The following TANC1 variants were observed in gnomAD, a reference collection of about 807,000 sequenced individuals.
The protein encoded by TANC1 is tetratricopeptide repeat, ankyrin repeat and coiled-coil containing 1, also known as protein TANC1.
A neutral mutation model predicts 149.7 loss-of-function variants in TANC1; 77 were observed. The ratio of observed to expected loss-of-function variants is 0.51; its 90% CI spans 0.43 to 0.62. The LOEUF is 0.62. TANC1 is among the 20% of genes least tolerant of loss of function. TANC1 has a pLI of 0.00. For synonymous variants in TANC1, 854 were observed against 925.0 expected, an observed-to-expected ratio of 0.92 and a Z score of 1.39; for missense variants, 1,985 against 2,321.8, an observed-to-expected ratio of 0.85 and a Z score of 2.98.
intron 4 of TANC1, among the ~76,000 whole-genome samples, chr2:159,121,850 C>A (rs778072198): frequency 6.6e-6 from 1 of 152,202 alleles, no homozygotes; most frequent in African/African-American, 2.4e-5. Context: ...AAGATACTGT[C>A]GGAGGGTCTG....
intron 4 of TANC1, among the ~76,000 whole-genome samples, chr2:159,118,371 A>G (rs2048511979): frequency 6.6e-6 from 1 of 151,984 alleles, no homozygotes; most frequent in African/African-American, 2.4e-5. Flanking sequence ...ATCTATGTAA[A>G]TTGTTTGGAA....
chr2:159,090,345 C>G (rs1255865672), intron 3 of TANC1, among the ~76,000 whole-genome samples: 1 of 152,188 alleles, frequency 6.6e-6, no homozygotes, highest in Non-Finnish European at 1.5e-5. Context: ...CTCCCGACCT[C>G]TTTGTCTTGG....
intron 14 of TANC1, among the ~76,000 whole-genome samples, chr2:159,184,139 A>G (rs1465913999): frequency 1.3e-5 from 2 of 152,210 alleles, no homozygotes; most frequent in Non-Finnish European, 2.9e-5. Context: ...CTGTTTCTTC[A>G]TATAAGCATA....
At chr2:159,013,244 G>A (rs1030770128) in intron 2 of TANC1, among the ~76,000 whole-genome samples, 5 of 152,156 alleles carry the variant, frequency 3.3e-5, no homozygotes, top group Non-Finnish European at 7.3e-5. Context: ...AAGGCATATT[G>A]TATTATGTTT....
chr2:159,149,978 A>G (rs1410163925), intron 6 of TANC1: 26 of 171,796 alleles, frequency 1.5e-4, no homozygotes, highest in Admixed American at 1.5e-3. Context: ...TCACAAAAAC[A>G]GAGCTCCCAG....
chr2:158,981,029 A>G (rs2034247929), intron 1 of TANC1, among the ~76,000 whole-genome samples: 1 of 151,944 alleles, frequency 6.6e-6, no homozygotes, highest in Non-Finnish European at 1.5e-5. Context: ...TGTATTTCCT[A>G]TAAACTGGAG....
At chr2:159,149,041 C>A in intron 5 of TANC1, 101 bp from the exon 6 acceptor site, 3 of 1,377,698 alleles carry the variant, frequency 2.2e-6, no homozygotes, top group Non-Finnish European at 2.9e-6. Context: ...TATAGAAACA[C>A]ACAAAATCAC....
intron 2 of TANC1, among the ~76,000 whole-genome samples, chr2:159,051,857 C>T (rs1273697317): frequency 2.0e-5 from 3 of 152,158 alleles, no homozygotes; most frequent in African/African-American, 4.8e-5. Flanking sequence ...GAGTATTGCG[C>T]TCTTGCAGCT....
chr2:159,006,126 G>A (rs901876156), intron 2 of TANC1, among the ~76,000 whole-genome samples: 17 of 151,696 alleles, frequency 1.1e-4, no homozygotes, highest in Middle Eastern at 3.2e-3. Context: ...TAAAACCCCC[G>A]TCTCTACTGA....
At chr2:159,226,564 AT>A (rs1488412271) in intron 24 of TANC1, 2 of 152,128 alleles carry the variant, frequency 1.3e-5, no homozygotes, top group East Asian at 3.8e-4. Context: ...GTTGTTAGAG[AT>A]TTTTACTTAA....
intron 14 of TANC1, among the ~76,000 whole-genome samples, chr2:159,183,860 C>A (rs554381007): frequency 2.0e-5 from 3 of 152,126 alleles, no homozygotes; most frequent in Non-Finnish European, 4.4e-5. Flanking sequence ...GGAATCTGTT[C>A]ACAGCACCCA....
Position 159,170,667 on chromosome 2 carries a change from G to C in TANC1, c.1213G>C (p.Ala405Pro), listed in dbSNP as rs373016246. 1.2e-5 allele frequency: 19 copies of C among 1,613,984 alleles called. No individual in the cohort carries two copies. In the African/African-American group the frequency reaches 2.0e-4, roughly 17 times the overall value. The change falls in exon 10 of 27, where the codon GCA (alanine) becomes CCA (proline). Residue 405 changes from alanine to proline, a missense_variant. Coordinates refer to ENST00000263635, the MANE Select transcript of TANC1 (RefSeq NM_033394.3). ...AGAAAACTTGAGGAACACAGAACTG[G>C]CAGAAAACAGAGGCGCGGTGGTGGT... ...IEENLRNTEL[A>P]ENRGAVVVGN...
chr2:159,228,926 A>C, intron 26 of TANC1, 30 bp downstream of exon 26: 1 of 1,579,576 alleles, frequency 6.3e-7, no homozygotes, highest in South Asian at 1.1e-5. Flanking sequence ...TTGTGTCTAG[A>C]GCTTTTTTTC....
intron 1 of TANC1, among the ~76,000 whole-genome samples, chr2:158,993,179 T>C (rs1484560796): frequency 6.6e-6 from 1 of 152,194 alleles, no homozygotes; most frequent in African/African-American, 2.4e-5. Flanking sequence ...ACACAGCAGC[T>C]ATGTGGAAGT....
intron 3 of TANC1, among the ~76,000 whole-genome samples, chr2:159,074,586 G>T (rs2043463183): frequency 6.6e-6 from 1 of 152,112 alleles, no homozygotes; most frequent in African/African-American, 2.4e-5. Context: ...TTAATGCATT[G>T]TTTCTTTGTG....
chr2:159,154,093 G>A (rs2053165368), intron 7 of TANC1, among the ~76,000 whole-genome samples: 1 of 152,176 alleles, frequency 6.6e-6, no homozygotes, highest in Non-Finnish European at 1.5e-5. Context: ...GTAGAGCTGG[G>A]TTTGGAATGG....
intron 4 of TANC1, among the ~76,000 whole-genome samples, chr2:159,108,161 T>G (rs1380932628): frequency 1.3e-5 from 2 of 152,240 alleles, no homozygotes; most frequent in Admixed American, 1.3e-4. Context: ...AAGCTGGGAA[T>G]GTACCTTTCC....
rs191470353 is a variant in TANC1 at position 159,149,173 on chromosome 2, G to A, written c.396G>A (p.Ser132=). 8.5e-5 allele frequency: 137 copies of A among 1,609,812 alleles called. 2 individuals are homozygous for A. In the South Asian group the frequency reaches 8.8e-4, roughly 10 times the overall value. ...AGGCCGATAATGAACCGAGCTGTTC[G>A]CCGGCAGCTCAAGAACTGTTGACAA... ...EAKADNEPSC[S]PAAQELLTRL... is the part of the protein sequence containing the mutation. Residue 132 remains serine, a synonymous_variant, in exon 6 of 27, where the codon TCG becomes TCA. Transcript: ENST00000263635.
intron 18 of TANC1, among the ~76,000 whole-genome samples, chr2:159,197,291 A>G (rs2057928439): frequency 1.3e-5 from 2 of 152,196 alleles, no homozygotes; most frequent in Non-Finnish European, 1.5e-5. Context: ...CAGTAGTTAA[A>G]TAGAGCATTT....
Sources: gnomAD v4.1 joint callset for allele counts (sites outside exome capture counted in the v4.1 genomes callset) on GRCh38, gnomAD v4.1.1 for gene constraint, MANE v1.5 for transcripts, NCBI Gene and HGNC (gene_info 2026-07-23, HGNC 2026-07-21) for gene names.